The following TMEM74 variants were observed in gnomAD, a reference collection of about 807,000 sequenced individuals.
TMEM74 encodes the protein transmembrane protein 74.
TMEM74 carries 13 observed loss-of-function variants against 18.1 expected under a neutral mutation model. That is an observed-to-expected ratio of 0.72 (90% CI 0.47 to 1.14). The LOEUF is 1.14. Among genes scored for constraint, TMEM74 ranks in the 50% most tolerant of loss-of-function variants. The pLI is 0.00. For missense variants in TMEM74, 372 were observed against 375.9 expected, an observed-to-expected ratio of 0.99 and a Z score of 0.09; for synonymous variants, 159 against 146.6, an observed-to-expected ratio of 1.08 and a Z score of -0.61.
At chr8:108,695,602 C>T (rs1813274082) in intron 1 of TMEM74, among the ~76,000 whole-genome samples, 2 of 152,158 alleles carry the variant, frequency 1.3e-5, no homozygotes, top group South Asian at 2.1e-4. Flanking sequence ...GTAGCTGAGC[C>T]AGGAAACTGA....
At chr8:108,680,130 A>T (rs1267551646) in intron 1 of TMEM74, among the ~76,000 whole-genome samples, 3 of 152,210 alleles carry the variant, frequency 2.0e-5, no homozygotes, top group African/African-American at 7.2e-5. Context: ...TATTCCAATC[A>T]ATAGAAAAAG....
intron 2 of TMEM74, among the ~76,000 whole-genome samples, chr8:108,623,404 T>C (rs963038948): frequency 6.6e-6 from 1 of 152,120 alleles, no homozygotes; most frequent in Non-Finnish European, 1.5e-5. Context: ...AGTCTTGAAA[T>C]GGCTTCTCCC....
intron 1 of TMEM74, among the ~76,000 whole-genome samples, chr8:108,669,103 C>T (rs754447756): frequency 2.0e-5 from 3 of 152,016 alleles, no homozygotes; most frequent in Admixed American, 1.3e-4. Flanking sequence ...TGAAGTCTTG[C>T]CACTTTCTTA....
intron 1 of TMEM74, among the ~76,000 whole-genome samples, chr8:108,768,795 A>G (rs1814138527): frequency 6.6e-6 from 1 of 152,140 alleles, no homozygotes; most frequent in Non-Finnish European, 1.5e-5. Flanking sequence ...TTCTAGAACA[A>G]CCATCTCCCT....
chr8:108,655,453 A>T (rs1812812239), intron 1 of TMEM74: 1 of 152,244 alleles, frequency 6.6e-6, no homozygotes, highest in South Asian at 2.1e-4. Context: ...AAATAAAAAA[A>T]TTAAAAAAAA....
chr8:108,738,729 A>G (rs1451432535), intron 1 of TMEM74, among the ~76,000 whole-genome samples: 1 of 152,174 alleles, frequency 6.6e-6, no homozygotes, highest in Non-Finnish European at 1.5e-5. Flanking sequence ...GAAAAATAAA[A>G]TCAAAATAAT....
At chr8:108,733,428 G>C (rs545943430) in intron 1 of TMEM74, among the ~76,000 whole-genome samples, 2 of 152,266 alleles carry the variant, frequency 1.3e-5, no homozygotes, top group African/African-American at 4.8e-5. Flanking sequence ...TAAGAAGTTA[G>C]AATAAGCCAA....
In TMEM74 at chr8:108,785,083, G is replaced by C. The variant is rs1359495567; in HGVS notation, c.16C>G (p.Leu6Val). ...TCTGCCTGGTTGCTCTTCTTAGCAA[G>C]GTAGTGGAGCTCCATGAGAGCTAGT... is the stretch of plus-strand genomic sequence containing the variant. MELHY[L>V]AKKSNQADLC... Residue 6 changes from leucine to valine, a missense_variant, in exon 2 of 2, where the codon CTT becomes GTT. Leu to Val is a conservative substitution (Grantham distance 32, BLOSUM62 1). Transcript: ENST00000297459. The C allele has an allele frequency of 6.2e-7, 1 of 1,602,384 alleles. No individual in the cohort carries two copies. Among genetic ancestry groups the C allele is most frequent in the Non-Finnish European group, 8.5e-7 (1 of 1,175,340 alleles).
At chr8:108,630,735 A>G (rs1812542917) in intron 2 of TMEM74, among the ~76,000 whole-genome samples, 1 of 152,116 alleles carries the variant, frequency 6.6e-6, no homozygotes, top group Admixed American at 6.6e-5. Flanking sequence ...TTTACTGGGT[A>G]AATAATGAAA....
At chr8:108,762,314 C>T (rs771340103) in intron 1 of TMEM74, among the ~76,000 whole-genome samples, 3 of 151,800 alleles carry the variant, frequency 2.0e-5, no homozygotes, top group Admixed American at 6.6e-5. Context: ...AAAGAAAATA[C>T]TCTGAATTAT....
intron 1 of TMEM74, among the ~76,000 whole-genome samples, chr8:108,746,168 C>G (rs1309467319): frequency 1.3e-5 from 2 of 152,116 alleles, no homozygotes; most frequent in Non-Finnish European, 2.9e-5. Context: ...CTTGCCATGT[C>G]TGCAACATTT....
Position 108,762,879 on chromosome 8 carries a change from A to AAAAAC in TMEM74, n.119+24592_119+24596dup, listed in dbSNP as rs528010889. Among the ~76,000 whole-genome samples, 810 of 152,242 alleles carry AAAAAC rather than the reference A, an allele frequency of 5.3e-3. 3 individuals carry two copies. Among genetic ancestry groups the AAAAAC allele is most frequent in the African/African-American group, 0.018 (758 of 41,548 alleles). Reference sequence around the variant, plus strand: ...AATGAAGTGAGACCTCCTCATATTTAAAAACAAAACAAAACAAAACAAAAA... The same window carrying AAAAAC: ...AATGAAGTGAGACCTCCTCATATTTAAAAACAAAACAAAACAAAACAAAACAAAAA... On this transcript the variant is annotated intron_variant and non_coding_transcript_variant, in intron 1 of 3. Coordinates refer to the TMEM74 transcript ENST00000518838.
At chr8:108,759,749 A>G (rs180915687) in intron 1 of TMEM74, among the ~76,000 whole-genome samples, 198 of 152,268 alleles carry the variant, frequency 1.3e-3, no homozygotes, top group African/African-American at 4.3e-3. Context: ...AGATGCTTCT[A>G]TGGAGGAGAA....
chr8:108,736,778 G>A (rs778791928), intron 1 of TMEM74, among the ~76,000 whole-genome samples: 1 of 152,086 alleles, frequency 6.6e-6, no homozygotes, highest in African/African-American at 2.4e-5. Flanking sequence ...TACACAGTTT[G>A]TTGTGCAGGT....
chr8:108,648,470 AG>A (rs1812742704), intron 2 of TMEM74, among the ~76,000 whole-genome samples: 1 of 152,302 alleles, frequency 6.6e-6, no homozygotes, highest in South Asian at 2.1e-4. Flanking sequence ...CCTAATCCTC[AG>A]GACCTGTGAA....
intron 1 of TMEM74, among the ~76,000 whole-genome samples, chr8:108,716,343 C>T (rs1201296339): frequency 6.6e-6 from 1 of 151,978 alleles, no homozygotes; most frequent in Non-Finnish European, 1.5e-5. Context: ...TACATTAAAA[C>T]TATTAAATAA....
At chr8:108,738,392 G>A (rs1813768961) in intron 1 of TMEM74, among the ~76,000 whole-genome samples, 1 of 152,074 alleles carries the variant, frequency 6.6e-6, no homozygotes, top group African/African-American at 2.4e-5. Context: ...CCCTGTTACT[G>A]GTCTCCTTCA....
chr8:108,760,809 C>G (rs1291874767), intron 1 of TMEM74, among the ~76,000 whole-genome samples: 2 of 151,870 alleles, frequency 1.3e-5, no homozygotes, highest in Non-Finnish European at 2.9e-5. Context: ...CAACCCCAAG[C>G]TTTTACTGGT....
At chr8:108,785,930 C>A (rs566949305) in intron 1 of TMEM74, among the ~76,000 whole-genome samples, 2 of 152,268 alleles carry the variant, frequency 1.3e-5, no homozygotes, top group South Asian at 2.1e-4. Flanking sequence ...GCAATCCCTG[C>A]AAAATACAAT....
Sources: gnomAD v4.1 joint callset for allele counts (sites outside exome capture counted in the v4.1 genomes callset) on GRCh38, gnomAD v4.1.1 for gene constraint, MANE v1.5 for transcripts, NCBI Gene and HGNC (gene_info 2026-07-23, HGNC 2026-07-21) for gene names.